KCNQ1: variants seen among roughly 807,000 people sequenced by gnomAD.
KCNQ1 encodes potassium voltage-gated channel subfamily Q member 1, also known as potassium voltage-gated channel subfamily KQT member 1.
Under a neutral mutation model 72.4 loss-of-function variants are expected in KCNQ1, and 49 were observed. The observed-to-expected ratio is 0.68, with a 90% CI of 0.54 to 0.86. The LOEUF (loss-of-function observed/expected upper bound fraction) is 0.86, where lower values mean the gene tolerates loss of function less well. Among genes scored for constraint, KCNQ1 ranks in the 40% least tolerant of loss-of-function variants. The pLI is 0.00. For synonymous variants in KCNQ1, 450 were observed against 412.6 expected (o/e 1.09, Z -1.10); for missense variants, 790 against 945.1 (o/e 0.84, Z 2.15).
rs1055720761 is a variant in KCNQ1, at chr11:2,564,635, CTTT to C, written c.478-5990_478-5988del. Among the ~76,000 whole-genome samples the C allele has an allele frequency of 1.3e-5, 2 of 152,172 alleles. No individual in the cohort carries two copies. Among genetic ancestry groups the C allele is most frequent in the African/African-American group, 4.8e-5 (2 of 41,440 alleles). ...GGAAATATGTTTTACCATCTTAACC[CTTT>C]TTAAGATCACAGTTCCTTGCGACCA... On this transcript the variant is annotated intron_variant, in intron 2 of 15. Transcript: ENST00000155840. This position sits in a 1 kb window ranked among gnomAD's most constrained non-coding sequence, Gnocchi z 4.5.
rs948005689 is a variant in KCNQ1, at chr11:2,549,644, C to A, written c.478-20984C>A. ...GGCCCGGGGTAGGGGCGTGGGGGGG[C>A]CTCCTCCTCCCAAGCACCTGGGGTG... On this transcript the variant is annotated intron_variant, in intron 2 of 15. Transcript: ENST00000155840. This position sits in a 1 kb window ranked among gnomAD's most constrained non-coding sequence, Gnocchi z 6.2. 1.3e-5 allele frequency among the ~76,000 whole-genome samples: 2 copies of A among 151,710 alleles called. No individual in the cohort carries two copies. Among genetic ancestry groups the A allele is most frequent in the Non-Finnish European group, 2.9e-5 (2 of 67,868 alleles).
rs1845731429 is a variant in KCNQ1, at chr11:2,724,871, C to A, written c.1515-43973C>A. Among the ~76,000 whole-genome samples, 1 of 152,216 alleles carries A rather than the reference C, an allele frequency of 6.6e-6. No individual in the cohort carries two copies. The highest frequency in any genetic ancestry group is 2.4e-5 in the African/African-American group (1 of 41,448). On this transcript the variant is annotated intron_variant, in intron 11 of 15. Transcript: ENST00000155840. The surrounding 1 kb of genome is among the most constrained non-coding windows in gnomAD (Gnocchi z 6.8). The stretch of plus-strand genomic sequence containing the variant: ...AGGTACCAGGCCTCAGCGTTCTCAA[C>A]TGTGAAATGGGAACACGGTGGTCTC...
In KCNQ1 at chr11:2,570,723, G is replaced by T. The variant is rs764634277; in HGVS notation, c.573G>T (p.Leu191=). ...AGTACGTGGGCCTCTGGGGGCGGCT[G>T]CGCTTTGCCCGGAAGCCCATTTCCA... The part of the protein sequence containing the change: ...RSKYVGLWGR[L]RFARKPISII... Residue 191 remains leucine, a synonymous_variant, in exon 3 of 16, where the codon CTG becomes CTT. Coordinates refer to ENST00000155840, the MANE Select transcript of KCNQ1 (RefSeq NM_000218.3). 5 of 1,612,096 alleles carry T rather than the reference G, an allele frequency of 3.1e-6. No individual in the cohort carries two copies. In the South Asian group the frequency reaches 3.3e-5, roughly 11 times the overall value.
At position 2,617,342 on chromosome 11, in the gene KCNQ1, A is replaced by G. The variant is rs944355204; in HGVS notation, c.1393+28488A>G. The G allele has an allele frequency of 5.0e-6, 2 of 398,264 alleles. No individual in the cohort carries two copies. The highest frequency in any genetic ancestry group is 8.9e-6 in the Non-Finnish European group (2 of 225,918). 24.7% of individuals were successfully genotyped at this position (398,264 alleles called of 1,614,324 possible). ...AGATTATTTAAAACTTTTCATTTGTATATGGCTTATTTAACTTAGCACAAT... is the reference window on the plus strand; with the variant it reads ...AGATTATTTAAAACTTTTCATTTGTGTATGGCTTATTTAACTTAGCACAAT... On this transcript the variant is annotated intron_variant, in intron 10 of 15. Transcript: ENST00000155840. The surrounding 1 kb of genome is among the most constrained non-coding windows in gnomAD (Gnocchi z 4.6).
At chr11:2,807,745 G>A (rs1192174472) in intron 15 of KCNQ1, among the ~76,000 whole-genome samples, 3 of 143,444 alleles carry the variant, frequency 2.1e-5, no homozygotes, top group South Asian at 2.2e-4. Flanking sequence ...TCTCCTCCCT[G>A]ACTTCCTCCC....
intron 1 of KCNQ1, 143 bp downstream of exon 1, chr11:2,445,627 C>A: frequency 2.0e-6 from 2 of 990,644 alleles, no homozygotes; most frequent in Non-Finnish European, 3.1e-6. Flanking sequence ...CGCAGAAACA[C>A]AAACTCTGCA....
rs549392965 is a variant in KCNQ1, at chr11:2,766,660, C to G, written c.1515-2184C>G. On this transcript the variant is annotated intron_variant, in intron 11 of 15. Coordinates refer to ENST00000155840, the MANE Select transcript of KCNQ1 (RefSeq NM_000218.3). This position sits in a 1 kb window ranked among gnomAD's most constrained non-coding sequence, Gnocchi z 4.4. ...TCCCCTATGCAAAATTCACTCACCC[C>G]CCTCCCGACGATACCTAAAATTCTC... Among the ~76,000 whole-genome samples the G allele has an allele frequency of 2.0e-5, 3 of 152,296 alleles. No individual in the cohort carries two copies. The East Asian group carries it at 5.8e-4, about 29-fold the overall frequency.
At chr11:2,648,287 C>A (rs560388702) in intron 10 of KCNQ1, 4 of 398,388 alleles carry the variant, frequency 1.0e-5, no homozygotes, top group Admixed American at 4.4e-5. Context: ...CTGCTCTGAT[C>A]TTTACTATTT....
intron 11 of KCNQ1, among the ~76,000 whole-genome samples, chr11:2,747,802 G>C (rs2133959186): frequency 6.6e-6 from 1 of 152,218 alleles, no homozygotes; most frequent in East Asian, 1.9e-4. Flanking sequence ...AGATCAGAAG[G>C]AGGTGGTGGG....
At chr11:2,737,385 G>A (rs1374057107) in intron 11 of KCNQ1, among the ~76,000 whole-genome samples, 1 of 152,204 alleles carries the variant, frequency 6.6e-6, no homozygotes, top group East Asian at 1.9e-4. Context: ...TCAAGTGGGT[G>A]CAGCAGGCCC....
chr11:2,730,552 C>T (rs187951310), intron 11 of KCNQ1, among the ~76,000 whole-genome samples: 1 of 152,262 alleles, frequency 6.6e-6, no homozygotes, highest in East Asian at 1.9e-4. Context: ...CTGGAGGAGC[C>T]GGTCAATAGC....
rs921754269 is a variant in KCNQ1, at chr11:2,526,231, G to C, written c.387-1697G>C. ...GTTCACTGACTGGCTGGGTGTGTGGGCTGGGGGCGCCGAGGGTGGAGGTGG... is the reference window on the plus strand; with the variant it reads ...GTTCACTGACTGGCTGGGTGTGTGGCCTGGGGGCGCCGAGGGTGGAGGTGG... On this transcript the variant is annotated intron_variant, in intron 1 of 15. Transcript: ENST00000155840. The surrounding 1 kb of genome is among the most constrained non-coding windows in gnomAD (Gnocchi z 6.1). 6.6e-6 allele frequency among the ~76,000 whole-genome samples: 1 copy of C among 152,030 alleles called. No homozygotes were observed. Among genetic ancestry groups the C allele is most frequent in the Non-Finnish European group, 1.5e-5 (1 of 67,990 alleles).
intron 2 of KCNQ1, among the ~76,000 whole-genome samples, chr11:2,529,975 GC>G (rs1195684753): frequency 1.3e-5 from 2 of 152,152 alleles, no homozygotes; most frequent in African/African-American, 4.8e-5. Context: ...TCAGTGAGGG[GC>G]CCCCCTTGCC....
intron 15 of KCNQ1, among the ~76,000 whole-genome samples, chr11:2,786,333 A>G (rs1846912759): frequency 6.6e-6 from 1 of 152,108 alleles, no homozygotes; most frequent in South Asian, 2.1e-4. Context: ...TTGGAAGACA[A>G]TCTGTCTTTT....
rs773559154 is a variant in KCNQ1, at chr11:2,515,242, T to C, written c.387-12686T>C. Among the ~76,000 whole-genome samples the C allele has an allele frequency of 5.3e-5, 8 of 152,216 alleles. No individual in the cohort carries two copies. The highest frequency in any genetic ancestry group is 1.3e-4 in the Admixed American group (2 of 15,284). Reference sequence around the variant, plus strand: ...CGTCTTTCTGTCCAAGCATCCCATCTGTCTAGCTTCCACTCATGAGTGAGA... The same window carrying C: ...CGTCTTTCTGTCCAAGCATCCCATCCGTCTAGCTTCCACTCATGAGTGAGA... On this transcript the variant is annotated intron_variant, in intron 1 of 15. Transcript: ENST00000155840. The surrounding 1 kb of genome is among the most constrained non-coding windows in gnomAD (Gnocchi z 4.7).
chr11:2,641,813 G>GTATA (rs1849581347), intron 10 of KCNQ1: 1 of 398,278 alleles, frequency 2.5e-6, no homozygotes, highest in Non-Finnish European at 4.4e-6. Context: ...GTTGATTTTA[G>GTATA]TATAGCAAGA....
intron 15 of KCNQ1, among the ~76,000 whole-genome samples, chr11:2,786,070 C>G (rs929073218): frequency 5.9e-5 from 9 of 152,010 alleles, no homozygotes; most frequent in Non-Finnish European, 1.3e-4. Context: ...TCTTTTTTAT[C>G]TCAGATCTTA....
intron 11 of KCNQ1, chr11:2,697,430 C>T: frequency 5.0e-6 from 2 of 398,518 alleles, no homozygotes; most frequent in African/African-American, 2.1e-5. Context: ...TTGGCCTACT[C>T]CTTATCTTAA....
chr11:2,447,182 T>C lies in KCNQ1; in HGVS notation c.386+1698T>C, dbSNP rs1437694959. ...CCCAGAGGAAGTCTCTGCTTGCACT[T>C]GTGTTTTCTTCCTCATTTGGATTGT... On this transcript the variant is annotated intron_variant, in intron 1 of 15. Coordinates refer to ENST00000155840, the MANE Select transcript of KCNQ1 (RefSeq NM_000218.3). The surrounding 1 kb of genome is among the most constrained non-coding windows in gnomAD (Gnocchi z 7.6). Among the ~76,000 whole-genome samples, 2 of 152,112 alleles carry C rather than the reference T, an allele frequency of 1.3e-5. No homozygotes were observed. The highest frequency in any genetic ancestry group is 3.9e-4 in the East Asian group (2 of 5,180).
Sources: gnomAD v4.1 joint callset for allele counts (sites outside exome capture counted in the v4.1 genomes callset) on GRCh38, gnomAD v4.1.1 for gene constraint, Gnocchi (gnomAD v3.1) non-coding constraint, MANE v1.5 for transcripts, NCBI Gene and HGNC (gene_info 2026-07-23, HGNC 2026-07-21) for gene names.